SLC35F3: variants seen among roughly 807,000 people sequenced by gnomAD.
The protein encoded by SLC35F3 is putative thiamine transporter SLC35F3.
Under a neutral mutation model 49.9 loss-of-function variants are expected in SLC35F3, and 25 were observed. The observed-to-expected ratio is 0.50, with a 90% CI of 0.37 to 0.70. The LOEUF (loss-of-function observed/expected upper bound fraction) is 0.70. SLC35F3 is among the 30% of genes least tolerant of loss of function. The pLI is 0.00. For missense variants in SLC35F3, 525 were observed against 639.8 expected (o/e 0.82, Z 1.94); for synonymous variants, 275 against 265.4 (o/e 1.04, Z -0.35).
chr1:234,265,840 TGG>T (rs1667970180), intron 3 of SLC35F3, among the ~76,000 whole-genome samples: 1 of 152,174 alleles, frequency 6.6e-6, no homozygotes, highest in Non-Finnish European at 1.5e-5. Flanking sequence ...CCTTCTCAGC[TGG>T]GTCTCTGTCC....
At chr1:234,087,271 C>G (rs1664975210) in intron 2 of SLC35F3, among the ~76,000 whole-genome samples, 1 of 152,206 alleles carries the variant, frequency 6.6e-6, no homozygotes, top group Non-Finnish European at 1.5e-5. Flanking sequence ...ATAAGTCTTT[C>G]ATGCCACATG....
intron 2 of SLC35F3, among the ~76,000 whole-genome samples, chr1:233,969,240 C>T (rs1368009287): frequency 6.6e-5 from 10 of 152,168 alleles, no homozygotes; most frequent in African/African-American, 2.4e-4. Context: ...TCCCCTTCCA[C>T]GAAGACCAGA....
At chr1:234,282,683 C>T (rs925647136) in intron 3 of SLC35F3, among the ~76,000 whole-genome samples, 1 of 152,318 alleles carries the variant, frequency 6.6e-6, no homozygotes, top group South Asian at 2.1e-4. Flanking sequence ...TCTCTTTGCA[C>T]TCCCCATTCA....
At chr1:234,015,910 G>A (rs1663796104) in intron 2 of SLC35F3, among the ~76,000 whole-genome samples, 1 of 152,082 alleles carries the variant, frequency 6.6e-6, no homozygotes, top group African/African-American at 2.4e-5. Flanking sequence ...ATCTGATAAG[G>A]GGTGAATATC....
At chr1:234,037,750 T>C (rs1387427965) in intron 2 of SLC35F3, among the ~76,000 whole-genome samples, 1 of 152,204 alleles carries the variant, frequency 6.6e-6, no homozygotes, top group Non-Finnish European at 1.5e-5. Context: ...TGGTCATGCA[T>C]GTGCCTGCTA....
chr1:234,231,848 G>A lies in SLC35F3; in HGVS notation c.608+107G>A. The stretch of plus-strand genomic sequence containing the variant: ...CAGGCGCTGGGATGAGCCGGTGGGA[G>A]CCCGTGGAGAGATGTTGCAGTGAAT... On this transcript the variant is annotated intron_variant, in intron 3 of 7. Coordinates refer to ENST00000366618, the MANE Select transcript of SLC35F3 (RefSeq NM_173508.4). The surrounding 1 kb of genome is among the most constrained non-coding windows in gnomAD (Gnocchi z 5.4). The A allele has an allele frequency of 9.1e-7, 1 of 1,093,732 alleles. No individual in the cohort carries two copies. The highest frequency in any genetic ancestry group is 1.3e-6 in the Non-Finnish European group (1 of 750,096). 67.8% of individuals were successfully genotyped at this position (1,093,732 alleles called of 1,614,324 possible).
At chr1:233,943,658 T>G (rs1056967892) in intron 2 of SLC35F3, among the ~76,000 whole-genome samples, 1 of 152,204 alleles carries the variant, frequency 6.6e-6, no homozygotes, top group Non-Finnish European at 1.5e-5. Flanking sequence ...AAATATGGAA[T>G]AAATCCATAT....
rs1438738353 is a variant in SLC35F3, at chr1:234,204,330, A to G, written c.284-27087A>G. 1.3e-4 allele frequency among the ~76,000 whole-genome samples: 11 copies of G among 85,518 alleles called. No homozygotes were observed. In the Admixed American group the frequency reaches 1.5e-3, roughly 12 times the overall value. 56.1% of individuals were successfully genotyped at this position (85,518 alleles called of 152,430 possible). ...GTACATGGAATTTCTAAAGATAATC[A>G]TCTTAAAAGCAAAACAGATTGACAA... On this transcript the variant is annotated intron_variant, in intron 2 of 7. Coordinates refer to ENST00000366618, the MANE Select transcript of SLC35F3 (RefSeq NM_173508.4).
chr1:234,302,812 G>A (rs575475852), intron 3 of SLC35F3, among the ~76,000 whole-genome samples: 1 of 152,054 alleles, frequency 6.6e-6, no homozygotes, highest in Non-Finnish European at 1.5e-5. Context: ...CTGTCTGAGT[G>A]CCCACATTTC....
At chr1:233,992,226 A>G (rs1558199152) in intron 2 of SLC35F3, among the ~76,000 whole-genome samples, 1 of 152,346 alleles carries the variant, frequency 6.6e-6, no homozygotes, top group East Asian at 1.9e-4. Flanking sequence ...ATCACACTAA[A>G]TAAATACAAT....
At chr1:234,115,969 A>C (rs1171941214) in intron 2 of SLC35F3, among the ~76,000 whole-genome samples, 1 of 152,212 alleles carries the variant, frequency 6.6e-6, no homozygotes, top group Non-Finnish European at 1.5e-5. Flanking sequence ...AAGGGTGAGC[A>C]GTAGGGGAAA....
At chr1:234,254,928 T>G (rs1263730248) in intron 3 of SLC35F3, among the ~76,000 whole-genome samples, 1 of 152,246 alleles carries the variant, frequency 6.6e-6, no homozygotes, top group Non-Finnish European at 1.5e-5. Flanking sequence ...TCCTGACTTA[T>G]TTAGTACTTT....
At chr1:234,107,993 T>G (rs917537020) in intron 2 of SLC35F3, among the ~76,000 whole-genome samples, 1 of 151,670 alleles carries the variant, frequency 6.6e-6, no homozygotes, top group Non-Finnish European at 1.5e-5. Context: ...TCTGTAATTC[T>G]TTATTTGTCT....
At chr1:233,987,171 T>C (rs1000213144) in intron 2 of SLC35F3, among the ~76,000 whole-genome samples, 1 of 152,102 alleles carries the variant, frequency 6.6e-6, no homozygotes, top group Non-Finnish European at 1.5e-5. Context: ...ATGCCTGTAA[T>C]CTCAGCTACT....
intron 2 of SLC35F3, among the ~76,000 whole-genome samples, chr1:234,079,233 G>C (rs1468690296): frequency 1.3e-5 from 2 of 152,206 alleles, no homozygotes; most frequent in African/African-American, 2.4e-5. Flanking sequence ...AAGTAACCTT[G>C]TCAACAAATG....
At chr1:234,175,765 T>A (rs549402213) in intron 2 of SLC35F3, among the ~76,000 whole-genome samples, 1 of 151,332 alleles carries the variant, frequency 6.6e-6, no homozygotes, top group Non-Finnish European at 1.5e-5. Context: ...AGAGCTCAGC[T>A]CTCTGCAGAG....
chr1:233,960,111 C>G (rs1477130152), intron 2 of SLC35F3, among the ~76,000 whole-genome samples: 1 of 152,228 alleles, frequency 6.6e-6, no homozygotes, highest in Non-Finnish European at 1.5e-5. Context: ...ACCTGTCTGT[C>G]TAGGTGTGGG....
At chr1:234,022,740 G>GA (rs2102843770) in intron 2 of SLC35F3, among the ~76,000 whole-genome samples, 1 of 152,038 alleles carries the variant, frequency 6.6e-6, no homozygotes, top group South Asian at 2.1e-4. Context: ...TTAAGTCTCA[G>GA]AAAAAAAGGC....
At chr1:233,994,792 A>G (rs914415546) in intron 2 of SLC35F3, among the ~76,000 whole-genome samples, 5 of 152,144 alleles carry the variant, frequency 3.3e-5, no homozygotes, top group Non-Finnish European at 7.4e-5. Flanking sequence ...CCTCATCTCT[A>G]GAATGGATTG....
Sources: allele counts gnomAD v4.1 joint callset (sites outside exome capture counted in the v4.1 genomes callset), GRCh38; gene constraint gnomAD v4.1.1; non-coding constraint Gnocchi (gnomAD v3.1); transcripts MANE v1.5; gene names NCBI Gene and HGNC (gene_info 2026-07-23, HGNC 2026-07-21).